The following KIF21A variants were observed in gnomAD, a reference collection of about 807,000 sequenced individuals.
The protein encoded by KIF21A is kinesin-like protein KIF21A.
A neutral mutation model predicts 202.9 loss-of-function variants in KIF21A; 114 were observed. That is an observed-to-expected ratio of 0.56 (90% CI 0.48 to 0.66). KIF21A has a LOEUF of 0.66. Ranked by LOEUF, KIF21A falls within the 30% of genes least tolerant of loss-of-function variation. The pLI, the probability that KIF21A is intolerant of heterozygous loss-of-function variation, is 0.00. For synonymous variants in KIF21A, 667 were observed against 670.8 expected (o/e 0.99, Z 0.09); for missense variants, 1,677 against 1,994.9 (o/e 0.84, Z 3.04).
At chr12:39,313,122 T>G (rs151128113) in intron 31 of KIF21A, among the ~76,000 whole-genome samples, 1 of 152,004 alleles carries the variant, frequency 6.6e-6, no homozygotes, top group African/African-American at 2.4e-5. Flanking sequence ...ATTCAAGTAT[T>G]TCTGTTTTTA....
chr12:39,408,161 G>A lies in KIF21A; in HGVS notation c.44+34766C>T, dbSNP rs544113798. On this transcript the variant is annotated intron_variant, in intron 1 of 37. Transcript: ENST00000361418. ...CCTTTTGGCACCAAGGACTGGTTTC[G>A]TGGAAGACAGTTTTTCCAGGGATGG... Among the ~76,000 whole-genome samples the A allele has an allele frequency of 3.3e-5, 5 of 152,140 alleles. No homozygotes were observed. The South Asian group carries it at 6.2e-4, about 19-fold the overall frequency.
chr12:39,307,838 C>A (rs1943627068), intron 33 of KIF21A, 109 bp from the exon 34 acceptor site: 1 of 839,052 alleles, frequency 1.2e-6, no homozygotes. Flanking sequence ...AGAACAGTGT[C>A]CTTTTGTCAC....
rs1939816060 is a variant in KIF21A, at chr12:39,442,685, G to T, written c.44+242C>A. Among the ~76,000 whole-genome samples the T allele has an allele frequency of 6.6e-6, 1 of 152,248 alleles. No individual in the cohort carries two copies. The highest frequency in any genetic ancestry group is 2.1e-4 in the South Asian group (1 of 4,822). On this transcript the variant is annotated intron_variant, in intron 1 of 37. Coordinates refer to ENST00000361418, the MANE Select transcript of KIF21A (RefSeq NM_001173464.2). This position sits in a 1 kb window ranked among gnomAD's most constrained non-coding sequence, Gnocchi z 5.0. The stretch of plus-strand genomic sequence containing the variant: ...AGACGCCCCCCAGGGACCCGGCGCC[G>T]CGCAGCCGCCAGCCACCTGCAAACA...
chr12:39,337,235 T>C, intron 16 of KIF21A, 32 bp from the exon 17 acceptor site: 1 of 1,325,270 alleles, frequency 7.5e-7, no homozygotes, highest in Non-Finnish European at 1.1e-6. Flanking sequence ...TCTATTGAAA[T>C]TACTCTGTCA....
Position 39,411,682 on chromosome 12 carries a change from A to T in KIF21A, c.44+31245T>A, listed in dbSNP as rs1323643963. 2.0e-5 allele frequency among the ~76,000 whole-genome samples: 3 copies of T among 151,878 alleles called. No homozygotes were observed. The South Asian group carries it at 6.3e-4, about 32-fold the overall frequency. On this transcript the variant is annotated intron_variant, in intron 1 of 37. Coordinates refer to ENST00000361418, the MANE Select transcript of KIF21A (RefSeq NM_001173464.2). ...GCTGGGACTACAGGCATGCACCACC[A>T]CACCCAGCTAATTTTTATGTATTTT... is the stretch of plus-strand genomic sequence containing the variant.
At chr12:39,419,304 G>T (rs1056250681) in intron 1 of KIF21A, among the ~76,000 whole-genome samples, 4 of 152,120 alleles carry the variant, frequency 2.6e-5, no homozygotes, top group African/African-American at 7.2e-5. Flanking sequence ...TCATTTTAAA[G>T]ATGATGCCAA....
intron 4 of KIF21A, 92 bp from the exon 5 acceptor site, chr12:39,367,256 G>T: frequency 7.6e-7 from 1 of 1,309,122 alleles, no homozygotes; most frequent in Non-Finnish European, 1.1e-6. Flanking sequence ...AACCCACCAT[G>T]TTAAGGGATA....
At position 39,316,065 on chromosome 12, in the gene KIF21A, A is replaced by G. The variant is rs530086180; in HGVS notation, c.3909-95T>C. On this transcript the variant is annotated intron_variant, in intron 29 of 37. Coordinates refer to ENST00000361418, the MANE Select transcript of KIF21A (RefSeq NM_001173464.2). ...ACTCAAAATCAACAGCATGAATAAC[A>G]GATATATAGCAAACATTTCCTTCAT... 70 of 828,496 alleles carry G rather than the reference A, an allele frequency of 8.4e-5. No homozygotes were observed. In the East Asian group the frequency reaches 1.6e-3, roughly 19 times the overall value. 51.3% of individuals were successfully genotyped at this position (828,496 alleles called of 1,614,324 possible).
At chr12:39,318,316 T>C in intron 28 of KIF21A, 115 bp from the exon 29 acceptor site, 1 of 931,740 alleles carries the variant, frequency 1.1e-6, no homozygotes, top group Non-Finnish European at 1.6e-6. Context: ...ACTCCTTCTT[T>C]CCTTTCTTCC....
intron 10 of KIF21A, among the ~76,000 whole-genome samples, chr12:39,353,294 G>C (rs1340869688): frequency 6.6e-6 from 1 of 151,894 alleles, no homozygotes; most frequent in Non-Finnish European, 1.5e-5. Context: ...CAAAGTGTTG[G>C]GATTACAGGA....
At chr12:39,421,776 A>T (rs1294902774) in intron 1 of KIF21A, among the ~76,000 whole-genome samples, 1 of 146,968 alleles carries the variant, frequency 6.8e-6, no homozygotes, top group Non-Finnish European at 1.5e-5. Context: ...TTTATATATA[A>T]AAATAAAATA....
chr12:39,383,298 G>A lies in KIF21A; in HGVS notation c.45-13037C>T, dbSNP rs147494514. On this transcript the variant is annotated intron_variant, in intron 1 of 37. Transcript: ENST00000361418. ...AAGAACAATTTGAGTATTAGGAATT[G>A]AATAAAAATGTCATTAGAGATTTTT... 2.4e-4 allele frequency among the ~76,000 whole-genome samples: 37 copies of A among 152,316 alleles called. No homozygotes were observed. The East Asian group carries it at 6.5e-3, about 27-fold the overall frequency.
At position 39,346,461 on chromosome 12, in the gene KIF21A, C is replaced by A; in HGVS notation, c.1712+5G>T. The A allele has an allele frequency of 6.8e-7, 1 of 1,469,972 alleles. No homozygotes were observed. The highest frequency in any genetic ancestry group is 9.0e-7 in the Non-Finnish European group (1 of 1,114,636). The allele number at this position is 1,469,972 out of a possible 1,614,324, so 91.1% of individuals were successfully genotyped here. ...TTTAATAAAAAACCTGGGAAATATT[C>A]CAACCTTCTTTCTTCTCGATTGCTT... On this transcript the variant is annotated splice_donor_5th_base_variant and intron_variant, in intron 12 of 37. Coordinates refer to ENST00000361418, the MANE Select transcript of KIF21A (RefSeq NM_001173464.2).
chr12:39,370,947 G>A (rs1044336575), intron 1 of KIF21A, among the ~76,000 whole-genome samples: 22 of 152,020 alleles, frequency 1.4e-4, no homozygotes, highest in African/African-American at 4.8e-4. Flanking sequence ...ACCAAAATCC[G>A]CAGATGTTCA....
intron 2 of KIF21A, 23 bp from the exon 3 acceptor site, chr12:39,369,934 A>T: frequency 6.2e-7 from 1 of 1,606,574 alleles, no homozygotes; most frequent in South Asian, 1.1e-5. Context: ...ACAGAGAAAG[A>T]TTAGTGTTCA....
At chr12:39,432,618 T>C (rs1474635517) in intron 1 of KIF21A, among the ~76,000 whole-genome samples, 2 of 121,490 alleles carry the variant, frequency 1.6e-5, no homozygotes, top group Non-Finnish European at 3.5e-5. Context: ...GGACAAATTC[T>C]TTTTTTTTTT....
At chr12:39,340,789 A>G in intron 15 of KIF21A, 117 bp downstream of exon 15, 10 of 752,084 alleles carry the variant, frequency 1.3e-5, no homozygotes, top group Non-Finnish European at 6.5e-6. Context: ...AACAAAACAA[A>G]TAAATAACAA....
rs374627107 is a variant in KIF21A, at chr12:39,442,587, G to T, written c.44+340C>A. 6.6e-6 allele frequency among the ~76,000 whole-genome samples: 1 copy of T among 152,196 alleles called. No individual in the cohort carries two copies. The highest frequency in any genetic ancestry group is 2.4e-5 in the African/African-American group (1 of 41,444). On this transcript the variant is annotated intron_variant, in intron 1 of 37. Transcript: ENST00000361418. This position sits in a 1 kb window ranked among gnomAD's most constrained non-coding sequence, Gnocchi z 5.0. ...TCCCGGACAGGCGATAGCCCAAGGC[G>T]GCCAGACCTGAGGTGACTGATCCCG...
At chr12:39,389,558 A>G (rs1240000888) in intron 1 of KIF21A, among the ~76,000 whole-genome samples, 1 of 152,156 alleles carries the variant, frequency 6.6e-6, no homozygotes, top group Non-Finnish European at 1.5e-5. Context: ...ATACCCAAAA[A>G]CCAAATCAAA....
Sources: allele counts gnomAD v4.1 joint callset (sites outside exome capture counted in the v4.1 genomes callset), GRCh38; gene constraint gnomAD v4.1.1; non-coding constraint Gnocchi (gnomAD v3.1); transcripts MANE v1.5; gene names NCBI Gene and HGNC (gene_info 2026-07-23, HGNC 2026-07-21).